Variants in ERICH1 observed in about 807,000 individuals in gnomAD.
ERICH1 encodes glutamate-rich protein 1.
Under a neutral mutation model 39.6 loss-of-function variants are expected in ERICH1, and 56 were observed. The observed-to-expected ratio is 1.41, with a 90% CI of 1.14 to 1.77. ERICH1 has a LOEUF of 1.77. ERICH1 is among the 40% of genes most tolerant of loss of function. The probability of loss-of-function intolerance (pLI) is 0.00; values close to 1 mark genes in which losing one functional copy is unlikely to be tolerated. For synonymous variants in ERICH1, 313 were observed against 223.6 expected (o/e 1.40, Z -3.57); for missense variants, 826 against 575.4 (o/e 1.44, Z -4.45).
chr8:710,587 G>A (rs1252376966), intron 2 of ERICH1, among the ~76,000 whole-genome samples: 2 of 152,260 alleles, frequency 1.3e-5, no homozygotes, highest in Non-Finnish European at 2.9e-5. Flanking sequence ...GGTCTCCTCA[G>A]TTTTGCTTTT....
intron 1 of ERICH1, among the ~76,000 whole-genome samples, chr8:728,037 G>A (rs748141746): frequency 3.3e-5 from 5 of 152,194 alleles, no homozygotes; most frequent in Admixed American, 2.6e-4. Context: ...GCCCTGGGAC[G>A]GGGCTCCCGC....
At chr8:633,318 C>T (rs540064305) in intron 3 of ERICH1, among the ~76,000 whole-genome samples, 27 of 152,286 alleles carry the variant, frequency 1.8e-4, no homozygotes, top group East Asian at 1.5e-3. Context: ...AAAATGAACA[C>T]GTCCGTCAGG....
chr8:629,852 C>G (rs1231187738), intron 3 of ERICH1, among the ~76,000 whole-genome samples: 10 of 132,282 alleles, frequency 7.6e-5, no homozygotes, highest in African/African-American at 2.6e-4. Context: ...CCTCCCGTGA[C>G]CACCCACACA....
chr8:715,834 C>G, intron 2 of ERICH1, 27 bp downstream of exon 2: 1 of 1,589,442 alleles, frequency 6.3e-7, no homozygotes, highest in South Asian at 1.2e-5. Flanking sequence ...GTTTCTGAGA[C>G]CCACCCACAT....
chr8:708,687 T>TGTTTTTTG (rs1245939471), intron 2 of ERICH1, among the ~76,000 whole-genome samples: 2 of 51,084 alleles, frequency 3.9e-5, no homozygotes, highest in Non-Finnish European at 4.1e-5. Flanking sequence ...ATGAGTTTTT[T>TGTTTTTTG]TTTTTTTTTT....
intron 3 of ERICH1, among the ~76,000 whole-genome samples, chr8:654,282 G>A (rs1362979586): frequency 6.6e-6 from 1 of 152,164 alleles, no homozygotes; most frequent in Non-Finnish European, 1.5e-5. Context: ...TAAAGGAATA[G>A]CTAAGTTAAT....
chr8:652,289 A>T (rs1800072098), intron 3 of ERICH1, among the ~76,000 whole-genome samples: 1 of 152,238 alleles, frequency 6.6e-6, no homozygotes, highest in African/African-American at 2.4e-5. Flanking sequence ...GTTCTACAAG[A>T]GCAAGACTGG....
chr8:615,498 G>C, intron 3 of ERICH1: 1 of 447,494 alleles, frequency 2.2e-6, no homozygotes. Context: ...TGGGTGCACT[G>C]ACACCATTCC....
chr8:664,400 A>C lies in ERICH1; in HGVS notation c.*203T>G, dbSNP rs1439260911. On this transcript the variant is annotated 3_prime_UTR_variant, in exon 6 of 6. Transcript: ENST00000262109. ...AGTAATTCAAGATATATATAATTGC[A>C]AATAAGTGAAAAATTTCCATTTTAC... 7 of 1,234,166 alleles carry C rather than the reference A, an allele frequency of 5.7e-6. No homozygotes were observed. Among genetic ancestry groups the C allele is most frequent in the Non-Finnish European group, 6.1e-6 (6 of 987,174 alleles). 76.5% of individuals were successfully genotyped at this position (1,234,166 alleles called of 1,614,324 possible).
At chr8:721,166 C>T (rs919080117) in intron 1 of ERICH1, among the ~76,000 whole-genome samples, 1 of 152,110 alleles carries the variant, frequency 6.6e-6, no homozygotes, top group Non-Finnish European at 1.5e-5. Flanking sequence ...CAGTTTAATA[C>T]AAATATCCAG....
chr8:715,716 G>A, intron 2 of ERICH1, 145 bp downstream of exon 2: 1 of 1,153,306 alleles, frequency 8.7e-7, no homozygotes, highest in Non-Finnish European at 1.2e-6. Flanking sequence ...GGAGAGCGAT[G>A]CCTGCCCTGC....
At chr8:644,352 G>C (rs1799359489) in intron 3 of ERICH1, among the ~76,000 whole-genome samples, 1 of 152,252 alleles carries the variant, frequency 6.6e-6, no homozygotes. Flanking sequence ...GGGGCCCACA[G>C]GTGGTGGTTT....
chr8:675,871 T>C (rs1232995791), intron 3 of ERICH1, among the ~76,000 whole-genome samples: 13 of 20,752 alleles, frequency 6.3e-4, no homozygotes, highest in Admixed American at 1.1e-3. Flanking sequence ...CGGCCCCTCG[T>C]GAGGACAGAG....
At chr8:708,682 T>TTTTTTTTTTG (rs1491330122) in intron 2 of ERICH1, among the ~76,000 whole-genome samples, 551 of 27,892 alleles carry the variant, frequency 0.02, 59 homozygotes, top group African/African-American at 0.058. Flanking sequence ...GGATAATGAG[T>TTTTTTTTTTG]TTTTTTTTTT....
At chr8:708,953 C>T (rs1298971004) in intron 2 of ERICH1, among the ~76,000 whole-genome samples, 1 of 151,930 alleles carries the variant, frequency 6.6e-6, no homozygotes, top group Non-Finnish European at 1.5e-5. Flanking sequence ...CCTCAGCCTC[C>T]CAAAGTGCTG....
At chr8:651,398 C>A (rs960974900) in intron 3 of ERICH1, among the ~76,000 whole-genome samples, 5 of 152,208 alleles carry the variant, frequency 3.3e-5, no homozygotes, top group African/African-American at 1.2e-4. Context: ...CTTGGAGAAG[C>A]AGCTGATCCC....
chr8:671,627 A>G (rs62487379), intron 4 of ERICH1, among the ~76,000 whole-genome samples: 639 of 123,354 alleles, frequency 5.2e-3, no homozygotes, highest in African/African-American at 0.014. Flanking sequence ...CACTGAGCGC[A>G]CTGGTCCCCA....
chr8:723,316 T>C (rs961221248), intron 1 of ERICH1, among the ~76,000 whole-genome samples: 6 of 152,212 alleles, frequency 3.9e-5, no homozygotes, highest in African/African-American at 1.2e-4. Flanking sequence ...CCGACATTCC[T>C]TTACAGCAAT....
At chr8:715,682 C>T (rs1283169149) in intron 2 of ERICH1, among the ~76,000 whole-genome samples, 179 bp downstream of exon 2, 1 of 152,264 alleles carries the variant, frequency 6.6e-6, no homozygotes, top group Non-Finnish European at 1.5e-5. Flanking sequence ...GGGGAGTCCA[C>T]AGGGGCCTTG....
Sources: gnomAD v4.1 joint callset for allele counts (sites outside exome capture counted in the v4.1 genomes callset) on GRCh38, gnomAD v4.1.1 for gene constraint, MANE v1.5 for transcripts, NCBI Gene and HGNC (gene_info 2026-07-23, HGNC 2026-07-21) for gene names.